Variants in PSD3 observed in about 807,000 individuals in gnomAD.
PSD3 encodes PH and SEC7 domain-containing protein 3.
A neutral mutation model predicts 105.5 loss-of-function variants in PSD3; 49 were observed. The observed-to-expected ratio is 0.46, with a 90% CI of 0.37 to 0.59. The LOEUF (loss-of-function observed/expected upper bound fraction) is 0.59, where lower values mean the gene tolerates loss of function less well. Ranked by LOEUF, PSD3 falls within the 20% of genes least tolerant of loss-of-function variation. The pLI, the probability that PSD3 is intolerant of heterozygous loss-of-function variation, is 0.00. For synonymous variants in PSD3, 557 were observed against 457.8 expected, an observed-to-expected ratio of 1.22 and a Z score of -2.77; for missense variants, 1,561 against 1,263.8, an observed-to-expected ratio of 1.24 and a Z score of -3.57.
intron 1 of PSD3, among the ~76,000 whole-genome samples, chr8:18,950,475 A>C (rs7832463): frequency 0.34 from 52,136 of 151,932 alleles, 9,163 homozygotes; most frequent in Middle Eastern, 0.53. Flanking sequence ...AAGCAAAAAG[A>C]AACAACGTAT....
chr8:18,628,852 C>G (rs1806687537), intron 11 of PSD3, among the ~76,000 whole-genome samples: 1 of 151,664 alleles, frequency 6.6e-6, no homozygotes, highest in Non-Finnish European at 1.5e-5. Context: ...AAAACAGAAC[C>G]ACACACAAAA....
intron 9 of PSD3, among the ~76,000 whole-genome samples, chr8:18,721,890 A>G (rs1045103815): frequency 6.6e-6 from 1 of 152,164 alleles, no homozygotes; most frequent in African/African-American, 2.4e-5. Context: ...GAGACACCCA[A>G]TGGCTGCACA....
At chr8:18,701,736 G>C (rs1049889038) in intron 9 of PSD3, among the ~76,000 whole-genome samples, 2 of 152,184 alleles carry the variant, frequency 1.3e-5, no homozygotes, top group East Asian at 3.9e-4. Context: ...TTTGGAGTAT[G>C]ACTTTAAGTG....
chr8:18,688,630 AATTGTTTTCTG>A (rs1800796066), intron 9 of PSD3, among the ~76,000 whole-genome samples: 1 of 152,356 alleles, frequency 6.6e-6, no homozygotes, highest in African/African-American at 2.4e-5. Flanking sequence ...ATAGTTTTCC[AATTGTTTTCTG>A]AACAAGTCTT....
chr8:18,759,511 G>C (rs1419063233), intron 9 of PSD3, among the ~76,000 whole-genome samples: 1 of 152,138 alleles, frequency 6.6e-6, no homozygotes, highest in Non-Finnish European at 1.5e-5. Flanking sequence ...TTAAAGGAGA[G>C]ACTGTTTCAG....
At chr8:18,544,638 T>C (rs1379042600) in intron 15 of PSD3, among the ~76,000 whole-genome samples, 4 of 152,208 alleles carry the variant, frequency 2.6e-5, no homozygotes, top group African/African-American at 9.6e-5. Flanking sequence ...TCTGTGACTT[T>C]CATTTTTTTA....
intron 9 of PSD3, among the ~76,000 whole-genome samples, chr8:18,681,249 T>G (rs1343114618): frequency 6.6e-6 from 1 of 151,944 alleles, no homozygotes; most frequent in African/African-American, 2.4e-5. Context: ...AATCATCAAA[T>G]TAGACATCCT....
In PSD3 at chr8:19,042,484, A is replaced by G. The variant is rs545998876; in HGVS notation, c.324+41722T>C. 4.1e-4 allele frequency among the ~76,000 whole-genome samples: 62 copies of G among 152,350 alleles called. No homozygotes were observed. The South Asian group carries it at 0.012, about 29-fold the overall frequency. On this transcript the variant is annotated intron_variant, in intron 1 of 1. Coordinates refer to the PSD3 transcript ENST00000521475. ...GTAACAGAAGAACGTTAGTGATTGA[A>G]ATATCAAAAAACTTACATTTTCCAC...
At chr8:19,014,196 G>A (rs1040964162), upstream of PSD3, 3 of 152,368 alleles carry the variant, frequency 2.0e-5, no homozygotes, top group Non-Finnish European at 2.9e-5. The surrounding 1 kb of genome is among the most constrained non-coding windows in gnomAD (Gnocchi z 4.9). Flanking sequence ...CGGGGCTGGA[G>A]GTACGCGGGC....
At chr8:19,055,629 A>C (rs921628054) in intron 1 of PSD3, among the ~76,000 whole-genome samples, 5 of 152,204 alleles carry the variant, frequency 3.3e-5, no homozygotes, top group African/African-American at 1.2e-4. Context: ...TTTTAAGGTC[A>C]AGATACCAAG....
intron 4 of PSD3, among the ~76,000 whole-genome samples, chr8:18,861,753 G>A (rs1816470156): frequency 6.6e-6 from 1 of 152,032 alleles, no homozygotes; most frequent in South Asian, 2.1e-4. Flanking sequence ...CAACACCCAT[G>A]ATAGGTTTAA....
At chr8:18,949,439 C>A (rs1051529100) in intron 1 of PSD3, among the ~76,000 whole-genome samples, 7 of 150,590 alleles carry the variant, frequency 4.6e-5, no homozygotes, top group Non-Finnish European at 7.4e-5. Context: ...CTCATGAAAT[C>A]CATGTTGTGA....
intron 2 of PSD3, among the ~76,000 whole-genome samples, chr8:18,887,773 AG>A (rs1408459960): frequency 2.0e-5 from 3 of 152,220 alleles, no homozygotes; most frequent in African/African-American, 4.8e-5. Context: ...AGTGCCAAAC[AG>A]GGTGCTGAAA....
At chr8:18,669,120 C>T (rs1799636016) in intron 9 of PSD3, among the ~76,000 whole-genome samples, 1 of 152,198 alleles carries the variant, frequency 6.6e-6, no homozygotes, top group South Asian at 2.1e-4. Context: ...CTTAATGCAT[C>T]CTCATTGTAT....
chr8:19,070,944 T>C (rs1054179669), intron 1 of PSD3, among the ~76,000 whole-genome samples: 1 of 152,234 alleles, frequency 6.6e-6, no homozygotes, highest in African/African-American at 2.4e-5. Flanking sequence ...CCTGGCTTAG[T>C]GTTTTATTTT....
chr8:18,871,457 T>G (rs1007403742), intron 3 of PSD3, among the ~76,000 whole-genome samples, 169 bp downstream of exon 3: 3 of 152,158 alleles, frequency 2.0e-5, no homozygotes, highest in Non-Finnish European at 4.4e-5. Flanking sequence ...CTGAGAAGCT[T>G]AGGAGGAATC....
chr8:19,002,834 A>G (rs1311590665), intron 1 of PSD3, among the ~76,000 whole-genome samples: 1 of 152,062 alleles, frequency 6.6e-6, no homozygotes, highest in East Asian at 1.9e-4. Context: ...AGCTAAGTGT[A>G]TTAGAATTTT....
At chr8:18,811,835 A>G (rs534802083) in intron 4 of PSD3, among the ~76,000 whole-genome samples, 11 of 152,312 alleles carry the variant, frequency 7.2e-5, no homozygotes, top group Non-Finnish European at 1.3e-4. Context: ...CTCGACTCAG[A>G]GTCTTTAATA....
At chr8:18,554,666 C>T (rs542353683) in intron 15 of PSD3, among the ~76,000 whole-genome samples, 3 of 151,998 alleles carry the variant, frequency 2.0e-5, no homozygotes, top group African/African-American at 7.3e-5. Context: ...CATAGCAAGG[C>T]CTGGAAATGA....
Sources: allele counts gnomAD v4.1 joint callset (sites outside exome capture counted in the v4.1 genomes callset), GRCh38; gene constraint gnomAD v4.1.1; non-coding constraint Gnocchi (gnomAD v3.1); transcripts MANE v1.5; gene names NCBI Gene and HGNC (gene_info 2026-07-23, HGNC 2026-07-21).